The following RIGI variants were observed in gnomAD, a reference collection of about 807,000 sequenced individuals.
The protein encoded by RIGI is RNA sensor RIG-I.
the RIGI span, among the ~76,000 whole-genome samples, chr9:32,496,515 C>T: frequency 2.6e-5 from 4 of 152,264 alleles, no homozygotes; most frequent in African/African-American, 7.2e-5. Context: ...ATTTCTTTTG[C>T]CCTTGGACAT....
the RIGI span, among the ~76,000 whole-genome samples, chr9:32,513,059 T>G: frequency 0.026 from 3,974 of 151,388 alleles, 71 homozygotes; most frequent in Middle Eastern, 0.095. Flanking sequence ...CACTGCTCAA[T>G]GAAATAAAAG....
chr9:32,490,677 G>T, the RIGI span, among the ~76,000 whole-genome samples: 84,757 of 152,018 alleles, frequency 0.56, 23,989 homozygotes, highest in Middle Eastern at 0.64. Flanking sequence ...TATGCAACTT[G>T]CCGGTCTCAT....
At chr9:32,508,672 G>A in the RIGI span, among the ~76,000 whole-genome samples, 1 of 152,046 alleles carries the variant, frequency 6.6e-6, no homozygotes, top group Non-Finnish European at 1.5e-5. Flanking sequence ...AAATCTGGGT[G>A]GCCATTTGGG....
the RIGI span, among the ~76,000 whole-genome samples, chr9:32,495,509 G>T: frequency 6.8e-6 from 1 of 147,796 alleles, no homozygotes; most frequent in African/African-American, 2.5e-5. Context: ...CTTTGTTTTT[G>T]TTTTTATAGA....
the RIGI span, among the ~76,000 whole-genome samples, chr9:32,504,932 T>A: frequency 1.5e-4 from 20 of 130,388 alleles, no homozygotes; most frequent in African/African-American, 4.7e-4. Flanking sequence ...TATATAGATA[T>A]AATATATATT....
At chr9:32,476,987 A>G in the RIGI span, 2 of 1,612,844 alleles carry the variant, frequency 1.2e-6, no homozygotes, top group East Asian at 2.2e-5. Flanking sequence ...GCTTACGTCC[A>G]CAAGTGCTCT....
chr9:32,491,163 A>G, the RIGI span: 3 of 919,380 alleles, frequency 3.3e-6, no homozygotes, highest in Non-Finnish European at 4.9e-6. Context: ...TATCTATTGT[A>G]ACATAAATTC....
At chr9:32,467,114 A>G in the RIGI span, among the ~76,000 whole-genome samples, 1 of 152,196 alleles carries the variant, frequency 6.6e-6, no homozygotes, top group Non-Finnish European at 1.5e-5. Context: ...GAAGAGTAGC[A>G]GTATCTGAGC....
At chr9:32,515,148 T>A in the RIGI span, among the ~76,000 whole-genome samples, 1 of 152,078 alleles carries the variant, frequency 6.6e-6, no homozygotes, top group African/African-American at 2.4e-5. Flanking sequence ...ACGCCTGTAA[T>A]CCTAGCACTT....
chr9:32,491,713 CA>C, the RIGI span, among the ~76,000 whole-genome samples: 76,372 of 100,468 alleles, frequency 0.76, 27,914 homozygotes, highest in East Asian at 0.86. Flanking sequence ...TCGTATGCAC[CA>C]AAAAAAAAAA....
chr9:32,486,440 C>T, the RIGI span, among the ~76,000 whole-genome samples: 3 of 132,664 alleles, frequency 2.3e-5, no homozygotes, highest in Admixed American at 8.5e-5. Flanking sequence ...GGCAACAGCA[C>T]GAGACTCTGT....
the RIGI span, among the ~76,000 whole-genome samples, chr9:32,497,762 G>GAATAAATA: frequency 1.4e-5 from 2 of 148,134 alleles, no homozygotes; most frequent in Non-Finnish European, 1.5e-5. Flanking sequence ...AAAAATGAAT[G>GAATAAATA]AATGAATAAA....
the RIGI span, among the ~76,000 whole-genome samples, chr9:32,521,679 G>A: frequency 6.6e-6 from 1 of 152,084 alleles, no homozygotes; most frequent in South Asian, 2.1e-4. Flanking sequence ...GAATTATACA[G>A]GCAGCATTAT....
chr9:32,498,617 T>C, the RIGI span, among the ~76,000 whole-genome samples: 1 of 152,174 alleles, frequency 6.6e-6, no homozygotes, highest in Non-Finnish European at 1.5e-5. Context: ...TGTACCAGAA[T>C]ATTTGCAACA....
the RIGI span, among the ~76,000 whole-genome samples, chr9:32,510,215 T>C: frequency 6.6e-6 from 1 of 151,982 alleles, no homozygotes; most frequent in Non-Finnish European, 1.5e-5. Flanking sequence ...CAGGCCAACA[T>C]TCAAATTCAG....
the RIGI span, chr9:32,489,582 T>C: frequency 8.4e-6 from 4 of 478,998 alleles, no homozygotes; most frequent in South Asian, 1.2e-4. Context: ...TAGAATCCTT[T>C]CTCTTGGTAA....
At chr9:32,457,981 T>C in the RIGI span, among the ~76,000 whole-genome samples, 2 of 152,134 alleles carry the variant, frequency 1.3e-5, no homozygotes, top group Non-Finnish European at 1.5e-5. Flanking sequence ...ATCACCCAAA[T>C]TGGAGCTGAA....
At chr9:32,471,765 GA>G in the RIGI span, among the ~76,000 whole-genome samples, 4 of 152,188 alleles carry the variant, frequency 2.6e-5, no homozygotes, top group Non-Finnish European at 5.9e-5. Context: ...AACAAAGTTT[GA>G]AAATCAAGGA....
the RIGI span, among the ~76,000 whole-genome samples, chr9:32,514,926 C>A: frequency 6.6e-6 from 1 of 151,950 alleles, no homozygotes; most frequent in Non-Finnish European, 1.5e-5. Context: ...ATATATGAGA[C>A]CCCACATATA....
Sources: gnomAD v4.1 joint callset for allele counts (sites outside exome capture counted in the v4.1 genomes callset) on GRCh38, gnomAD v4.1.1 for gene constraint, MANE v1.5 for transcripts, NCBI Gene and HGNC (gene_info 2026-07-23, HGNC 2026-07-21) for gene names.